Variants in NRXN1 observed in about 807,000 individuals in gnomAD.
NRXN1 encodes the protein neurexin 1.
In NRXN1, 39 loss-of-function variants were observed where a neutral mutation model predicts 150.9. The ratio of observed to expected loss-of-function variants is 0.26; its 90% confidence interval spans 0.20 to 0.34. The LOEUF is 0.34. Ranked by LOEUF, NRXN1 falls within the 10% of genes least tolerant of loss-of-function variation. The probability of loss-of-function intolerance (pLI) is 1.00; values close to 1 mark genes in which losing one functional copy is unlikely to be tolerated. For missense variants in NRXN1, 1,815 were observed against 1,949.9 expected (o/e 0.93, Z 1.30); for synonymous variants, 924 against 757.0 (o/e 1.22, Z -3.62).
At chr2:50,311,766 T>G (rs2075202775) in intron 17 of NRXN1, among the ~76,000 whole-genome samples, 1 of 152,154 alleles carries the variant, frequency 6.6e-6, no homozygotes, top group Non-Finnish European at 1.5e-5. Context: ...GGAGACTGTT[T>G]GCAGGGATAT....
intron 17 of NRXN1, among the ~76,000 whole-genome samples, chr2:50,386,270 T>A (rs2081319213): frequency 6.6e-6 from 1 of 152,170 alleles, no homozygotes; most frequent in African/African-American, 2.4e-5. Context: ...ATTTCTGCAC[T>A]TAAGGTTTAA....
chr2:49,947,317 T>C (rs1673082803), intron 21 of NRXN1, among the ~76,000 whole-genome samples: 1 of 152,014 alleles, frequency 6.6e-6, no homozygotes, highest in Non-Finnish European at 1.5e-5. Context: ...TTTAAACCAA[T>C]GGCTCTCACA....
chr2:50,012,057 A>G (rs1469003), intron 21 of NRXN1, among the ~76,000 whole-genome samples: 127,017 of 152,004 alleles, frequency 0.84, 53,163 homozygotes, highest in Middle Eastern at 0.88. Flanking sequence ...AATAAAAGTT[A>G]GCATTTTTCT....
intron 21 of NRXN1, among the ~76,000 whole-genome samples, chr2:49,996,412 G>C (rs552349445): frequency 1.8e-4 from 28 of 152,286 alleles, no homozygotes; most frequent in African/African-American, 5.8e-4. Context: ...GAATGGAAAG[G>C]AAGATTGGGG....
At chr2:50,673,153 A>G (rs1320181468) in intron 5 of NRXN1, among the ~76,000 whole-genome samples, 1 of 152,086 alleles carries the variant, frequency 6.6e-6, no homozygotes. Flanking sequence ...GCCAGCTCTC[A>G]GATTTGCTTA....
intron 18 of NRXN1, among the ~76,000 whole-genome samples, chr2:50,143,340 A>C (rs1707538976): frequency 6.6e-6 from 1 of 151,986 alleles, no homozygotes; most frequent in South Asian, 2.1e-4. Context: ...TTAAGTACAG[A>C]GGGAACAATT....
chr2:51,030,540 A>ACC (rs1671340864), intron 1 of NRXN1, among the ~76,000 whole-genome samples: 1 of 51,474 alleles, frequency 1.9e-5, no homozygotes, highest in East Asian at 1.3e-3. Context: ...CTTTCAACAC[A>ACC]CACACACACA....
At chr2:49,953,650 T>C (rs891850679) in intron 21 of NRXN1, among the ~76,000 whole-genome samples, 1 of 152,120 alleles carries the variant, frequency 6.6e-6, no homozygotes, top group Admixed American at 6.6e-5. Flanking sequence ...ACATGACATA[T>C]GAATATATAC....
intron 18 of NRXN1, among the ~76,000 whole-genome samples, chr2:50,204,359 TG>T (rs772757109): frequency 0.27 from 40,434 of 151,610 alleles, 5,967 homozygotes; most frequent in East Asian, 0.4. Context: ...TGTGTGTGTG[TG>T]TGTGTGTGTG....
chr2:50,592,566 G>A (rs185342480), intron 8 of NRXN1, among the ~76,000 whole-genome samples: 1 of 152,320 alleles, frequency 6.6e-6, no homozygotes, highest in African/African-American at 2.4e-5. Context: ...TTTTGGAACA[G>A]AGCTTGCTCT....
intron 17 of NRXN1, among the ~76,000 whole-genome samples, chr2:50,299,458 C>A (rs1344198092): frequency 6.9e-6 from 1 of 144,958 alleles, no homozygotes; most frequent in African/African-American, 2.6e-5. Context: ...TTTTAAATGT[C>A]TTTTTCCCCC....
chr2:50,004,270 T>C (rs1442117697), intron 21 of NRXN1, among the ~76,000 whole-genome samples: 1 of 152,126 alleles, frequency 6.6e-6, no homozygotes, highest in Non-Finnish European at 1.5e-5. Context: ...AAGACTCATT[T>C]ATAATAAAAT....
At chr2:50,009,378 G>A (rs367997612) in intron 21 of NRXN1, among the ~76,000 whole-genome samples, 18 of 152,056 alleles carry the variant, frequency 1.2e-4, no homozygotes, top group South Asian at 4.1e-4. Flanking sequence ...CTTATATGAG[G>A]GCTAAAGCCA....
At chr2:50,798,170 T>C (rs1179683124) in intron 5 of NRXN1, among the ~76,000 whole-genome samples, 2 of 152,168 alleles carry the variant, frequency 1.3e-5, no homozygotes, top group Non-Finnish European at 2.9e-5. Flanking sequence ...TCTAGTTATA[T>C]ATAATCACTT....
intron 21 of NRXN1, among the ~76,000 whole-genome samples, chr2:50,045,106 G>T (rs1386160127): frequency 6.6e-6 from 1 of 152,118 alleles, no homozygotes; most frequent in African/African-American, 2.4e-5. Context: ...TGAGGTCCCA[G>T]CCTAATGGTG....
intron 17 of NRXN1, among the ~76,000 whole-genome samples, chr2:50,438,194 A>T (rs943033445): frequency 2.6e-5 from 4 of 152,214 alleles, no homozygotes; most frequent in Non-Finnish European, 4.4e-5. Context: ...GACTTCCAGT[A>T]GGATCAAAAA....
At chr2:49,974,097 C>A in intron 21 of NRXN1, 2 of 716,828 alleles carry the variant, frequency 2.8e-6, no homozygotes, top group African/African-American at 3.5e-5. Flanking sequence ...ATACTGGTGA[C>A]AGGAGAGCTC....
intron 17 of NRXN1, among the ~76,000 whole-genome samples, chr2:50,340,718 A>T (rs1415969951): frequency 6.6e-6 from 1 of 152,230 alleles, no homozygotes; most frequent in Admixed American, 6.5e-5. Flanking sequence ...CAATTTAAAA[A>T]AAAGAGAGAG....
Position 50,084,868 on chromosome 2 carries a change from T to C in NRXN1, c.3718+6455A>G, listed in dbSNP as rs17039772. On this transcript the variant is annotated intron_variant, in intron 19 of 22. Coordinates refer to ENST00000401669, the MANE Select transcript of NRXN1 (RefSeq NM_001330078.2). ...TAATATATCATTTCTTTCCATCTCC[T>C]TGGACACAATTTCTCAGAAGCTAAG... is the stretch of plus-strand genomic sequence containing the variant. Among the ~76,000 whole-genome samples the C allele has an allele frequency of 4.3e-3, 655 of 152,350 alleles. 4 individuals are homozygous for C. The highest frequency in any genetic ancestry group is 0.015 in the African/African-American group (605 of 41,590).
Sources: allele counts gnomAD v4.1 joint callset (sites outside exome capture counted in the v4.1 genomes callset), GRCh38; gene constraint gnomAD v4.1.1; transcripts MANE v1.5; gene names NCBI Gene and HGNC (gene_info 2026-07-23, HGNC 2026-07-21).